Variants in SLC13A4 observed in about 807,000 individuals in gnomAD.
The protein encoded by SLC13A4 is Na(+)/sulfate cotransporter SUT-1.
Under a neutral mutation model 72.7 loss-of-function variants are expected in SLC13A4, and 28 were observed. The observed-to-expected ratio is 0.39, with a 90% CI of 0.29 to 0.53. SLC13A4 has a LOEUF of 0.53. Ranked by LOEUF, SLC13A4 falls within the 20% of genes least tolerant of loss-of-function variation. SLC13A4 has a pLI of 0.78. For missense variants in SLC13A4, 653 were observed against 788.0 expected (o/e 0.83, Z 2.05); for synonymous variants, 312 against 325.5 (o/e 0.96, Z 0.45).
chr7:135,681,994 T>G (rs1795513674), intron 15 of SLC13A4, among the ~76,000 whole-genome samples: 1 of 152,182 alleles, frequency 6.6e-6, no homozygotes, highest in African/African-American at 2.4e-5. Flanking sequence ...GAAGAGGTAT[T>G]TCTGCAGCTC....
chr7:135,705,271 T>A (rs2129494722), intron 5 of SLC13A4: 1 of 277,820 alleles, frequency 3.6e-6, no homozygotes, highest in South Asian at 1.3e-4. Flanking sequence ...ACTATTTTCC[T>A]AAAAGGGACA....
chr7:135,695,680 T>C (rs1284629001), intron 8 of SLC13A4, among the ~76,000 whole-genome samples, 193 bp from the exon 9 acceptor site: 1 of 152,148 alleles, frequency 6.6e-6, no homozygotes, highest in East Asian at 1.9e-4. Flanking sequence ...ACAAGAATCA[T>C]GAAACTAGCT....
intron 15 of SLC13A4, among the ~76,000 whole-genome samples, chr7:135,682,583 A>T (rs1795527600): frequency 6.6e-6 from 1 of 152,196 alleles, no homozygotes. Flanking sequence ...GCATTTTGGC[A>T]TGGAGGACAG....
chr7:135,701,804 T>G (rs748725752), intron 6 of SLC13A4, 44 bp from the exon 7 acceptor site: 1 of 1,592,848 alleles, frequency 6.3e-7, no homozygotes, highest in Admixed American at 1.7e-5. Flanking sequence ...GAGGAAGTGG[T>G]GAGCCAGGTG....
At chr7:135,704,854 T>C (rs1470998065) in intron 5 of SLC13A4, 2 of 152,254 alleles carry the variant, frequency 1.3e-5, no homozygotes, top group Admixed American at 6.5e-5. Flanking sequence ...TCTGTCCCAC[T>C]GTGAACGCTG....
At chr7:135,690,698 G>T (rs1795763567) in intron 13 of SLC13A4, among the ~76,000 whole-genome samples, 1 of 149,014 alleles carries the variant, frequency 6.7e-6, no homozygotes. Context: ...CAGCCCATCT[G>T]TTCCTCTGTT....
At chr7:135,722,557 A>G (rs1048518318) in intron 1 of SLC13A4, among the ~76,000 whole-genome samples, 1 of 151,414 alleles carries the variant, frequency 6.6e-6, no homozygotes, top group Non-Finnish European at 1.5e-5. Context: ...CTTTGTTCTC[A>G]TTTGATTCAT....
intron 2 of SLC13A4, among the ~76,000 whole-genome samples, chr7:135,715,463 A>G (rs1425744678): frequency 1.4e-5 from 2 of 146,016 alleles, no homozygotes; most frequent in African/African-American, 5.4e-5. Context: ...GCATTAGTGC[A>G]TATGAGTGTG....
intron 5 of SLC13A4, chr7:135,704,962 T>C (rs185670831): frequency 1.5e-3 from 229 of 152,640 alleles, no homozygotes; most frequent in Non-Finnish European, 2.4e-3. Flanking sequence ...CTATTCATTG[T>C]GGCATGCCTG....
chr7:135,713,724 C>A (rs540934699), intron 2 of SLC13A4, among the ~76,000 whole-genome samples: 1 of 152,234 alleles, frequency 6.6e-6, no homozygotes, highest in South Asian at 2.1e-4. Context: ...ACTACAGGCA[C>A]CCACCATTGT....
chr7:135,710,802 C>T (rs2129494983), intron 2 of SLC13A4, among the ~76,000 whole-genome samples: 1 of 152,312 alleles, frequency 6.6e-6, no homozygotes, highest in East Asian at 1.9e-4. Context: ...GGGACATCTG[C>T]CCTCACTGTG....
intron 7 of SLC13A4, 69 bp from the exon 8 acceptor site, chr7:135,699,617 G>A: frequency 7.1e-7 from 1 of 1,405,722 alleles, no homozygotes; most frequent in Non-Finnish European, 9.7e-7. Context: ...TGAGAGGCAG[G>A]AGGCACCATG....
intron 7 of SLC13A4, among the ~76,000 whole-genome samples, chr7:135,701,457 C>T (rs1346453972): frequency 2.6e-5 from 4 of 152,200 alleles, no homozygotes; most frequent in East Asian, 1.9e-4. Context: ...CAGCTTTTAT[C>T]GTTGAAGACA....
At chr7:135,727,260 A>G in intron 1 of SLC13A4, 138 bp downstream of exon 1, 1 of 1,174,638 alleles carries the variant, frequency 8.5e-7, no homozygotes, top group South Asian at 1.6e-5. Context: ...TTTCCTCTGG[A>G]AAAATCCTTC....
chr7:135,709,562 C>A (rs1796250604), intron 2 of SLC13A4, among the ~76,000 whole-genome samples: 1 of 152,004 alleles, frequency 6.6e-6, no homozygotes. Flanking sequence ...TCCTTAGTGG[C>A]CACAGTACCA....
chr7:135,703,075 G>A, intron 5 of SLC13A4, 191 bp from the exon 6 acceptor site: 1 of 586,500 alleles, frequency 1.7e-6, no homozygotes, highest in Non-Finnish European at 3.0e-6. Flanking sequence ...AGTGGGGCCA[G>A]GGGCCTGCTT....
chr7:135,714,454 C>T (rs932754358), intron 2 of SLC13A4, among the ~76,000 whole-genome samples: 1 of 152,194 alleles, frequency 6.6e-6, no homozygotes, highest in Non-Finnish European at 1.5e-5. Flanking sequence ...CTCTTCCCCC[C>T]AGAAACATTA....
chr7:135,695,987 A>T (rs1387271378), intron 8 of SLC13A4, among the ~76,000 whole-genome samples: 1 of 152,224 alleles, frequency 6.6e-6, no homozygotes, highest in Non-Finnish European at 1.5e-5. Context: ...CCAAATCTTT[A>T]TCAACATCCA....
chr7:135,706,027 G>A, intron 4 of SLC13A4, 101 bp downstream of exon 4: 2 of 1,157,266 alleles, frequency 1.7e-6, no homozygotes, highest in Non-Finnish European at 2.4e-6. Flanking sequence ...GGGGGTCCTG[G>A]GGTGGGCACA....
Sources: gnomAD v4.1 joint callset for allele counts (sites outside exome capture counted in the v4.1 genomes callset) on GRCh38, gnomAD v4.1.1 for gene constraint, MANE v1.5 for transcripts, NCBI Gene and HGNC (gene_info 2026-07-23, HGNC 2026-07-21) for gene names.